Variants in GPA33 observed in about 807,000 individuals in gnomAD.
GPA33 encodes cell surface A33 antigen.
GPA33 carries 27 observed loss-of-function variants against 35.6 expected under a neutral mutation model. The ratio of observed to expected loss-of-function variants is 0.76; its 90% confidence interval spans 0.56 to 1.04. The LOEUF is 1.04. Among genes scored for constraint, GPA33 ranks in the 50% least tolerant of loss-of-function variants. The probability of loss-of-function intolerance (pLI) is 0.00; values close to 1 mark genes in which losing one functional copy is unlikely to be tolerated. For missense variants in GPA33, 428 were observed against 411.9 expected, an observed-to-expected ratio of 1.04 and a Z score of -0.34; for synonymous variants, 176 against 164.0, an observed-to-expected ratio of 1.07 and a Z score of -0.56.
intron 3 of GPA33, among the ~76,000 whole-genome samples, chr1:167,064,142 G>A (rs1171591131): frequency 6.6e-6 from 1 of 152,078 alleles, no homozygotes; most frequent in East Asian, 1.9e-4. Context: ...AAATTAGCCG[G>A]CCGTGGTGGC....
At chr1:167,085,927 C>G (rs1364105668) in intron 1 of GPA33, among the ~76,000 whole-genome samples, 2 of 152,228 alleles carry the variant, frequency 1.3e-5, no homozygotes, top group South Asian at 2.1e-4. Context: ...CCTCTGGATT[C>G]TGACTCAGAA....
chr1:167,054,297 C>T lies in GPA33; in HGVS notation c.*37G>A, dbSNP rs201876151. On this transcript the variant is annotated 3_prime_UTR_variant, in exon 7 of 7. Coordinates refer to ENST00000367868, the MANE Select transcript of GPA33 (RefSeq NM_005814.3). ...AGGCCAGGAAGCGGGAGAATGAACC[C>T]CTAACCCTTCCTCCGCCGCCCTCTG... 1.1e-4 allele frequency: 171 copies of T among 1,612,390 alleles called. No individual in the cohort carries two copies. Among genetic ancestry groups the T allele is most frequent in the Non-Finnish European group, 1.4e-4 (166 of 1,179,438 alleles).
At chr1:167,076,394 A>G (rs1472483768) in intron 1 of GPA33, among the ~76,000 whole-genome samples, 1 of 152,112 alleles carries the variant, frequency 6.6e-6, no homozygotes, top group African/African-American at 2.4e-5. Context: ...GCAAGTTCTT[A>G]CTGAATGTTC....
At chr1:167,073,838 C>T (rs1370549102) in intron 1 of GPA33, among the ~76,000 whole-genome samples, 3 of 152,230 alleles carry the variant, frequency 2.0e-5, no homozygotes, top group South Asian at 4.1e-4. Flanking sequence ...TCAGTTTTCT[C>T]ATCAATAAAA....
At chr1:167,068,473 G>A (rs764058974) in intron 3 of GPA33, among the ~76,000 whole-genome samples, 63 of 152,378 alleles carry the variant, frequency 4.1e-4, no homozygotes, top group Non-Finnish European at 7.5e-4. Context: ...AGGGATGGGG[G>A]TGAGCAGATG....
At chr1:167,085,688 A>T (rs1437682055) in intron 1 of GPA33, among the ~76,000 whole-genome samples, 1 of 152,218 alleles carries the variant, frequency 6.6e-6, no homozygotes, top group African/African-American at 2.4e-5. Context: ...ATGCACACTA[A>T]TGTGGGAGAA....
Position 167,090,325 on chromosome 1 carries a change from C to T in GPA33, c.-38G>A. ...TCTCTGCCCTAAACCTAACCTGTCA[C>T]TGGCAGCCTCCAGACAGGTCTGAGC... On this transcript the variant is annotated 5_prime_UTR_variant, in exon 1 of 7. It adds an upstream start codon to the 5' untranslated region. Coordinates refer to ENST00000367868, the MANE Select transcript of GPA33 (RefSeq NM_005814.3). The T allele has an allele frequency of 4.4e-6, 7 of 1,576,912 alleles. No homozygotes were observed. Among genetic ancestry groups the T allele is most frequent in the Non-Finnish European group, 5.2e-6 (6 of 1,146,472 alleles).
At chr1:167,067,160 C>T (rs1418710106) in intron 3 of GPA33, among the ~76,000 whole-genome samples, 1 of 151,888 alleles carries the variant, frequency 6.6e-6, no homozygotes, top group Non-Finnish European at 1.5e-5. Context: ...CTTGCTTGCT[C>T]GCTTGCTCGC....
intron 4 of GPA33, among the ~76,000 whole-genome samples, chr1:167,056,675 TGTGTCTGGTGTGTGGTGG>T (rs1666278752): frequency 0.02 from 22 of 1,108 alleles, no homozygotes; most frequent in African/African-American, 0.028. Context: ...GAGTGTGTGA[TGTGTCTGGTGTGTGGTGG>T]GTGTGTGGTG....
At chr1:167,082,631 T>C (rs144298338) in intron 1 of GPA33, among the ~76,000 whole-genome samples, 1 of 152,236 alleles carries the variant, frequency 6.6e-6, no homozygotes, top group Non-Finnish European at 1.5e-5. Context: ...AGGGCACAGT[T>C]GGAAAGCCAG....
chr1:167,054,568 C>T, intron 6 of GPA33, 102 bp from the exon 7 acceptor site: 1 of 1,401,144 alleles, frequency 7.1e-7, no homozygotes, highest in Non-Finnish European at 9.9e-7. Context: ...CTCCAGACCT[C>T]CTCCCCACCC....
intron 1 of GPA33, among the ~76,000 whole-genome samples, chr1:167,083,280 G>C (rs974799860): frequency 6.6e-6 from 1 of 152,218 alleles, no homozygotes; most frequent in African/African-American, 2.4e-5. Flanking sequence ...GGAAAGGAAT[G>C]TGAGACAGGA....
intron 2 of GPA33, among the ~76,000 whole-genome samples, chr1:167,069,750 T>C (rs1666677518): frequency 6.6e-6 from 1 of 152,218 alleles, no homozygotes; most frequent in Non-Finnish European, 1.5e-5. Flanking sequence ...AGTGATTCTG[T>C]TAACTATTCT....
At chr1:167,074,043 T>G (rs1191235543) in intron 1 of GPA33, among the ~76,000 whole-genome samples, 3 of 151,382 alleles carry the variant, frequency 2.0e-5, no homozygotes, top group Non-Finnish European at 4.4e-5. Flanking sequence ...AAGAATTTTA[T>G]GAATAAGATT....
chr1:167,086,482 CAGAT>C (rs1217145366), intron 1 of GPA33, among the ~76,000 whole-genome samples: 1 of 152,228 alleles, frequency 6.6e-6, no homozygotes, highest in Non-Finnish European at 1.5e-5. Flanking sequence ...ACACTGGGCT[CAGAT>C]AGGCCATCGT....
rs114346631 is a variant in GPA33, at chr1:167,086,782, G to A, written c.43+3463C>T. Reference sequence around the variant, plus strand: ...AAAAAACATTTTTTTCTAGAGAGAAGAAAGCTTTTACACCTTTCCCAGGTT... The same window carrying A: ...AAAAAACATTTTTTTCTAGAGAGAAAAAAGCTTTTACACCTTTCCCAGGTT... On this transcript the variant is annotated intron_variant, in intron 1 of 6. Transcript: ENST00000367868. Among the ~76,000 whole-genome samples the A allele has an allele frequency of 6.6e-3, 998 of 152,286 alleles. 19 individuals are homozygous for A. The highest frequency in any genetic ancestry group is 0.023 in the African/African-American group (960 of 41,562).
intron 4 of GPA33, among the ~76,000 whole-genome samples, chr1:167,063,127 A>G (rs1390776129): frequency 2.6e-5 from 4 of 152,214 alleles, no homozygotes; most frequent in Non-Finnish European, 5.9e-5. Flanking sequence ...GGTAGGTATT[A>G]TTATAAGAAA....
At chr1:167,086,302 G>A (rs1261282267) in intron 1 of GPA33, among the ~76,000 whole-genome samples, 1 of 152,238 alleles carries the variant, frequency 6.6e-6, no homozygotes, top group African/African-American at 2.4e-5. Context: ...CAGAGCAGAT[G>A]GTGGGCGGGC....
intron 1 of GPA33, among the ~76,000 whole-genome samples, chr1:167,078,412 G>A (rs1202832559): frequency 6.6e-6 from 1 of 152,180 alleles, no homozygotes; most frequent in African/African-American, 2.4e-5. Context: ...AACTAGGGCT[G>A]GCAACTGCAT....
Sources: allele counts gnomAD v4.1 joint callset (sites outside exome capture counted in the v4.1 genomes callset), GRCh38; gene constraint gnomAD v4.1.1; transcripts MANE v1.5; gene names NCBI Gene and HGNC (gene_info 2026-07-23, HGNC 2026-07-21).